The following PACRG variants were observed in gnomAD, a reference collection of about 807,000 sequenced individuals.
PACRG encodes the protein parkin coregulated gene protein.
A neutral mutation model predicts 29.7 loss-of-function variants in PACRG; 29 were observed. The observed-to-expected ratio is 0.98, with a 90% CI of 0.73 to 1.33. PACRG has a LOEUF of 1.33. PACRG is among the 40% of genes most tolerant of loss of function. The probability of loss-of-function intolerance (pLI) is 0.00; values close to 1 mark genes in which losing one functional copy is unlikely to be tolerated. For synonymous variants in PACRG, 116 were observed against 118.7 expected, an observed-to-expected ratio of 0.98 and a Z score of 0.15; for missense variants, 279 against 316.2, an observed-to-expected ratio of 0.88 and a Z score of 0.89.
intron 2 of PACRG, among the ~76,000 whole-genome samples, chr6:162,977,146 A>G (rs1260982446): frequency 6.6e-6 from 1 of 151,998 alleles, no homozygotes; most frequent in East Asian, 1.9e-4. Flanking sequence ...AAATACTTTA[A>G]ATATAGATAT....
At chr6:162,958,121 A>T (rs888372307) in intron 2 of PACRG, among the ~76,000 whole-genome samples, 1 of 152,320 alleles carries the variant, frequency 6.6e-6, no homozygotes, top group South Asian at 2.1e-4. Context: ...AAAGAAAATA[A>T]ATTACTAAAA....
intron 2 of PACRG, among the ~76,000 whole-genome samples, chr6:163,010,285 CA>C (rs1354766176): frequency 6.6e-6 from 1 of 152,194 alleles, no homozygotes; most frequent in Non-Finnish European, 1.5e-5. Flanking sequence ...TAGCATTTTA[CA>C]AACCAAAATC....
intron 2 of PACRG, among the ~76,000 whole-genome samples, chr6:162,961,579 C>A (rs1562782794): frequency 6.6e-6 from 1 of 152,104 alleles, no homozygotes; most frequent in Non-Finnish European, 1.5e-5. Context: ...CCTTTTTCTT[C>A]ACCACCTCTG....
intron 2 of PACRG, among the ~76,000 whole-genome samples, chr6:163,021,877 G>A (rs1032414096): frequency 1.3e-5 from 2 of 152,200 alleles, no homozygotes; most frequent in African/African-American, 4.8e-5. Flanking sequence ...TCCGAGTTAA[G>A]CATCAGAATA....
chr6:163,001,329 C>A (rs1804571239), intron 2 of PACRG, among the ~76,000 whole-genome samples: 1 of 152,186 alleles, frequency 6.6e-6, no homozygotes, highest in African/African-American at 2.4e-5. Context: ...GATCAGTGCT[C>A]TAGGATCCAA....
intron 3 of PACRG, among the ~76,000 whole-genome samples, chr6:163,080,211 G>T (rs1812957133): frequency 6.6e-6 from 1 of 152,010 alleles, no homozygotes; most frequent in Non-Finnish European, 1.5e-5. Flanking sequence ...GTCATTCTTA[G>T]AAGTAGTGGT....
intron 2 of PACRG, among the ~76,000 whole-genome samples, chr6:163,025,182 G>A (rs1432458898): frequency 6.6e-6 from 1 of 152,148 alleles, no homozygotes; most frequent in East Asian, 1.9e-4. Context: ...AACAAGACAA[G>A]AATGCCCACT....
At chr6:162,874,157 T>A (rs951590715) in intron 2 of PACRG, among the ~76,000 whole-genome samples, 2,055 of 132,820 alleles carry the variant, frequency 0.015, 45 homozygotes, top group African/African-American at 0.052. Context: ...AAAAAATATA[T>A]ATATATATAT....
chr6:163,166,143 TTGCGCCCGG>T, intron 4 of PACRG: 1 of 456,248 alleles, frequency 2.2e-6, no homozygotes, highest in Non-Finnish European at 4.4e-6. Flanking sequence ...GCAGCGTCGC[TTGCGCCCGG>T]CACATGTGAA....
chr6:163,186,405 A>G lies in PACRG; in HGVS notation c.613+96997A>G, dbSNP rs546318669. Among the ~76,000 whole-genome samples the G allele has an allele frequency of 3.9e-5, 6 of 151,906 alleles. No homozygotes were observed. In the South Asian group the frequency reaches 1.2e-3, roughly 32 times the overall value. On this transcript the variant is annotated intron_variant, in intron 4 of 4. Transcript: ENST00000366888. ...GGCAGACACAGATACACACACACAG[A>G]CACAGACACACACACACACGCAGAC...
chr6:163,097,172 G>T (rs142559765), intron 4 of PACRG, among the ~76,000 whole-genome samples: 17 of 152,296 alleles, frequency 1.1e-4, no homozygotes, highest in Middle Eastern at 3.4e-3. Context: ...TTCTGTTTTC[G>T]ATTGGCCCTT....
intron 2 of PACRG, among the ~76,000 whole-genome samples, chr6:162,872,198 A>G (rs567557315): frequency 7.0e-6 from 1 of 142,522 alleles, no homozygotes; most frequent in African/African-American, 2.6e-5. Flanking sequence ...CAGGGCTTCT[A>G]ACTCCAGATG....
intron 4 of PACRG, among the ~76,000 whole-genome samples, chr6:163,135,888 G>C (rs920201370): frequency 1.3e-5 from 2 of 152,176 alleles, no homozygotes; most frequent in Admixed American, 1.3e-4. Flanking sequence ...GACTAGTGAA[G>C]TTGAGCATCT....
intron 2 of PACRG, among the ~76,000 whole-genome samples, chr6:162,888,681 G>A (rs1001604341): frequency 6.6e-6 from 1 of 152,106 alleles, no homozygotes; most frequent in Admixed American, 6.6e-5. Flanking sequence ...GACACACTTG[G>A]TCCTCCCCTG....
intron 4 of PACRG, among the ~76,000 whole-genome samples, chr6:163,118,045 A>G (rs1379866870): frequency 6.6e-6 from 1 of 152,024 alleles, no homozygotes; most frequent in African/African-American, 2.4e-5. Context: ...TCTGCTATTG[A>G]CTCTGTCAGT....
At chr6:163,102,037 C>A (rs1220946898) in intron 4 of PACRG, among the ~76,000 whole-genome samples, 1 of 152,138 alleles carries the variant, frequency 6.6e-6, no homozygotes, top group East Asian at 1.9e-4. Flanking sequence ...TTTACCAAAT[C>A]CCTCAAAGAC....
At chr6:162,799,610 G>A (rs9346931) in intron 1 of PACRG, among the ~76,000 whole-genome samples, 143,275 of 151,970 alleles carry the variant, frequency 0.94, 67,619 homozygotes, top group East Asian at 1. Flanking sequence ...GAGCCAGTGC[G>A]ATGATGGGAA....
At chr6:162,973,639 CCT>C (rs140788988) in intron 2 of PACRG, among the ~76,000 whole-genome samples, 2,493 of 152,262 alleles carry the variant, frequency 0.016, 49 homozygotes, top group East Asian at 0.055. Context: ...CAATTTTCAA[CCT>C]TTTTTGAGCT....
intron 4 of PACRG, among the ~76,000 whole-genome samples, chr6:163,128,297 C>T (rs1816596362): frequency 6.6e-6 from 1 of 152,178 alleles, no homozygotes; most frequent in Non-Finnish European, 1.5e-5. Context: ...TAGTTCTAGT[C>T]AGAAGTAGCT....
Sources: gnomAD v4.1 joint callset for allele counts (sites outside exome capture counted in the v4.1 genomes callset) on GRCh38, gnomAD v4.1.1 for gene constraint, MANE v1.5 for transcripts, NCBI Gene and HGNC (gene_info 2026-07-23, HGNC 2026-07-21) for gene names.